Variants in OVCH2 observed in about 807,000 individuals in gnomAD.
OVCH2 encodes ovochymase-2.
Under a neutral mutation model 73.7 loss-of-function variants are expected in OVCH2, and 88 were observed. The observed-to-expected ratio is 1.19, with a 90% confidence interval of 1.01 to 1.43. The LOEUF is 1.43. Ranked by LOEUF, OVCH2 falls within the 40% of genes most tolerant of loss-of-function variation. The pLI, the probability that OVCH2 is intolerant of heterozygous loss-of-function variation, is 0.00. For synonymous variants in OVCH2, 265 were observed against 234.5 expected, an observed-to-expected ratio of 1.13 and a Z score of -1.19; for missense variants, 706 against 674.5, an observed-to-expected ratio of 1.05 and a Z score of -0.52.
chr11:7,694,595 A>G (rs1856285735), intron 12 of OVCH2, among the ~76,000 whole-genome samples: 2 of 102,218 alleles, frequency 2.0e-5, no homozygotes, highest in South Asian at 8.8e-4. Flanking sequence ...ACTAAAAGTC[A>G]CCAACACAAA....
chr11:7,686,902 G>T (rs1856146983), downstream of OVCH2, among the ~76,000 whole-genome samples: 2 of 152,170 alleles, frequency 1.3e-5, no homozygotes, highest in African/African-American at 4.8e-5. Context: ...GCCCCCAAGT[G>T]TCCTGTGGAG....
At chr11:7,700,627 C>T (rs1450472515) in intron 6 of OVCH2, 142 bp from the exon 7 acceptor site, 3 of 913,098 alleles carry the variant, frequency 3.3e-6, no homozygotes, top group Admixed American at 2.9e-5. Context: ...CCTGTGTATA[C>T]AGATCCCAGC....
downstream of OVCH2, among the ~76,000 whole-genome samples, chr11:7,686,482 C>T (rs987441224): frequency 6.6e-6 from 1 of 152,210 alleles, no homozygotes; most frequent in African/African-American, 2.4e-5. Context: ...TCATGATGAA[C>T]AAGCAAGTAC....
At chr11:7,696,652 G>T (rs1398789053) in intron 9 of OVCH2, 57 bp downstream of exon 9, 6 of 1,613,746 alleles carry the variant, frequency 3.7e-6, no homozygotes, top group Non-Finnish European at 5.1e-6. Flanking sequence ...CAGTCCAATT[G>T]GTGGGCCCAG....
chr11:7,683,241 G>A, the OVCH2 span, among the ~76,000 whole-genome samples: 1 of 152,172 alleles, frequency 6.6e-6, no homozygotes, highest in Non-Finnish European at 1.5e-5. Flanking sequence ...AACTTGGCAT[G>A]ATCAAATACT....
At chr11:7,704,770 T>G (rs1016822500) in intron 1 of OVCH2, 96 bp from the exon 2 acceptor site, 7 of 743,852 alleles carry the variant, frequency 9.4e-6, no homozygotes, top group Non-Finnish European at 1.6e-5. Flanking sequence ...TCTGAGACTA[T>G]GGTGTATGGT....
chr11:7,702,966 C>G (rs936165792), intron 3 of OVCH2, among the ~76,000 whole-genome samples: 1 of 152,202 alleles, frequency 6.6e-6, no homozygotes, highest in Non-Finnish European at 1.5e-5. Context: ...CCTAACTTAA[C>G]ACATAATGTC....
At chr11:7,694,710 C>A (rs748981560) in intron 12 of OVCH2, among the ~76,000 whole-genome samples, 2 of 151,764 alleles carry the variant, frequency 1.3e-5, no homozygotes, top group Non-Finnish European at 1.5e-5. Flanking sequence ...CTCCATCTCC[C>A]GGGTTCAAGC....
At chr11:7,684,766 C>T (rs187464640), downstream of OVCH2, among the ~76,000 whole-genome samples, 13 of 152,048 alleles carry the variant, frequency 8.5e-5, no homozygotes, top group East Asian at 1.5e-3. Flanking sequence ...ATGGAATCAG[C>T]GAAAGTCTAT....
rs1365957149 is a variant in OVCH2, at chr11:7,706,355, T to C, written c.40A>G (p.Ile14Val). The C allele has an allele frequency of 1.9e-6, 3 of 1,588,604 alleles. No individual in the cohort carries two copies. Among genetic ancestry groups the C allele is most frequent in the East Asian group, 4.5e-5 (2 of 44,410 alleles). ...GATTTACCTCGTTCAAAAAAGACTATTCCTAGTAGTAAAATCAGCTTGTTC... is the reference window on the plus strand; with the variant it reads ...GATTTACCTCGTTCAAAAAAGACTACTCCTAGTAGTAAAATCAGCTTGTTC... ...SRNKLILLLG[I>V]VFFERGKSAT... Residue 14 changes from isoleucine (I) to valine (V), a missense_variant, in exon 1 of 16, where the codon ATA becomes GTA. Transcript: ENST00000533663.
intron 12 of OVCH2, 75 bp from the exon 13 acceptor site, chr11:7,692,070 T>C (rs1386668832): frequency 2.7e-6 from 3 of 1,103,978 alleles, no homozygotes; most frequent in Admixed American, 4.0e-5. Flanking sequence ...CAGAGAAATT[T>C]GGATTGCTCA....
chr11:7,698,818 T>A (rs368901937), intron 7 of OVCH2, 45 bp from the exon 8 acceptor site: 2 of 1,598,370 alleles, frequency 1.3e-6, no homozygotes, highest in African/African-American at 2.7e-5. Context: ...TGTGGTATCC[T>A]GAACAACGCT....
At chr11:7,680,785 G>A in the OVCH2 span, among the ~76,000 whole-genome samples, 1 of 152,212 alleles carries the variant, frequency 6.6e-6, no homozygotes, top group Non-Finnish European at 1.5e-5. Flanking sequence ...TAAATTTGTA[G>A]TAATTTGTTA....
downstream of OVCH2, among the ~76,000 whole-genome samples, chr11:7,686,690 C>G (rs531220751): frequency 6.6e-6 from 1 of 152,278 alleles, no homozygotes; most frequent in East Asian, 1.9e-4. Context: ...AAAGGAGAGC[C>G]CTTTCCCTTA....
At position 7,700,363 on chromosome 11, in the gene OVCH2, T is replaced by C. The variant is rs2136159867; in HGVS notation, c.834A>G (p.Gln278=). The C allele has an allele frequency of 6.2e-7, 1 of 1,613,746 alleles. No homozygotes were observed. The highest frequency in any genetic ancestry group is 8.5e-7 in the Non-Finnish European group (1 of 1,179,814). Residue 278 remains glutamine, a synonymous_variant, in exon 7 of 16, where the codon CAA becomes CAG. Coordinates refer to ENST00000533663, the MANE Select transcript of OVCH2 (RefSeq NM_198185.7). The stretch of plus-strand genomic sequence containing the variant: ...TGTCTGTGAAGATCCCAGGGGATCC[T>C]TGATCACTTTTCCTCACATTGTTTC... The part of the protein sequence containing the change: ...GWRNNVRKSD[Q]GSPGIFTDIS...
chr11:7,693,289 A>G (rs1856256918), intron 12 of OVCH2, among the ~76,000 whole-genome samples: 1 of 152,204 alleles, frequency 6.6e-6, no homozygotes, highest in Non-Finnish European at 1.5e-5. Context: ...AGGCGTGGGG[A>G]GGGGGACCTG....
chr11:7,682,817 C>G, the OVCH2 span, among the ~76,000 whole-genome samples: 1 of 151,944 alleles, frequency 6.6e-6, no homozygotes, highest in Non-Finnish European at 1.5e-5. Flanking sequence ...GTGCTAACAC[C>G]CTTCCACATT....
At chr11:7,694,352 A>G (rs1428598537) in intron 12 of OVCH2, among the ~76,000 whole-genome samples, 1 of 152,114 alleles carries the variant, frequency 6.6e-6, no homozygotes, top group African/African-American at 2.4e-5. Flanking sequence ...AGGCCTCCAT[A>G]CAGTGACTTC....
intron 7 of OVCH2, 59 bp downstream of exon 7, chr11:7,700,237 T>A: frequency 6.5e-7 from 1 of 1,535,698 alleles, no homozygotes; most frequent in African/African-American, 1.4e-5. Context: ...ACTCTGCTGA[T>A]GCTGTCTCTG....
Sources: gnomAD v4.1 joint callset for allele counts (sites outside exome capture counted in the v4.1 genomes callset) on GRCh38, gnomAD v4.1.1 for gene constraint, MANE v1.5 for transcripts, NCBI Gene and HGNC (gene_info 2026-07-23, HGNC 2026-07-21) for gene names.